The following NBEA variants were observed in gnomAD, a reference collection of about 807,000 sequenced individuals.
The protein encoded by NBEA is lysosomal-trafficking regulator 2.
A neutral mutation model predicts 343.4 loss-of-function variants in NBEA; 44 were observed. That is an observed-to-expected ratio of 0.13 (90% CI 0.10 to 0.16). NBEA has a LOEUF of 0.16. Among genes scored for constraint, NBEA ranks in the 10% least tolerant of loss-of-function variants. NBEA has a pLI of 1.00. For missense variants in NBEA, 2,555 were observed against 3,631.3 expected, an observed-to-expected ratio of 0.70 and a Z score of 7.62; for synonymous variants, 1,175 against 1,238.7, an observed-to-expected ratio of 0.95 and a Z score of 1.08.
intron 38 of NBEA, among the ~76,000 whole-genome samples, chr13:35,363,186 C>T (rs918535549): frequency 1.1e-4 from 17 of 151,950 alleles, no homozygotes; most frequent in Admixed American, 6.6e-4. Context: ...TTATAGAGCC[C>T]CAAACACATA....
At chr13:35,382,343 T>C (rs922229819) in intron 38 of NBEA, among the ~76,000 whole-genome samples, 1 of 152,168 alleles carries the variant, frequency 6.6e-6, no homozygotes, top group Admixed American at 6.5e-5. Context: ...TTTTGGCTGT[T>C]GTTTTAGTTA....
At chr13:35,657,828 G>T (rs2084891204) in intron 55 of NBEA, among the ~76,000 whole-genome samples, 1 of 152,118 alleles carries the variant, frequency 6.6e-6, no homozygotes, top group Admixed American at 6.6e-5. Flanking sequence ...GCCCAGAAAT[G>T]ATGCAAGTGT....
chr13:35,439,637 A>C (rs1339036080), intron 39 of NBEA, among the ~76,000 whole-genome samples: 5 of 152,220 alleles, frequency 3.3e-5, no homozygotes, highest in Admixed American at 1.3e-4. Context: ...TGTAAATGGC[A>C]AGTTAATGGG....
chr13:35,261,497 C>T (rs561649559), intron 34 of NBEA, among the ~76,000 whole-genome samples: 9 of 151,656 alleles, frequency 5.9e-5, no homozygotes, highest in African/African-American at 1.5e-4. Context: ...GGCAACAGAG[C>T]GAGACTCCAT....
chr13:35,458,058 C>T (rs9544404), intron 40 of NBEA, among the ~76,000 whole-genome samples: 66,968 of 152,148 alleles, frequency 0.44, 17,512 homozygotes, highest in Middle Eastern at 0.63. Context: ...TTCATGTGGA[C>T]ATATGTTTTC....
chr13:34,954,857 A>G (rs540638183), intron 1 of NBEA, among the ~76,000 whole-genome samples: 2 of 152,304 alleles, frequency 1.3e-5, no homozygotes, highest in African/African-American at 2.4e-5. Context: ...GCAACCATCT[A>G]TTTTTTAAAA....
At chr13:35,473,077 A>C (rs957151554) in intron 41 of NBEA, among the ~76,000 whole-genome samples, 1 of 152,242 alleles carries the variant, frequency 6.6e-6, no homozygotes, top group Non-Finnish European at 1.5e-5. Flanking sequence ...GATTTTAAAT[A>C]TATATGCTAG....
chr13:35,474,134 T>C (rs532938719), intron 41 of NBEA: 1 of 152,584 alleles, frequency 6.6e-6, no homozygotes, highest in South Asian at 2.1e-4. Flanking sequence ...GATATTCAAG[T>C]GGGTTTGATT....
At chr13:35,230,682 C>G (rs2074918995) in intron 33 of NBEA, among the ~76,000 whole-genome samples, 2 of 152,028 alleles carry the variant, frequency 1.3e-5, no homozygotes, top group African/African-American at 4.8e-5. Context: ...TTTGTATTCA[C>G]TAACAGGTAA....
chr13:35,111,038 C>A, intron 13 of NBEA, 60 bp downstream of exon 13: 3 of 1,406,894 alleles, frequency 2.1e-6, no homozygotes, highest in Non-Finnish European at 2.9e-6. Flanking sequence ...ATTCTGAGTA[C>A]TGTTAAAGTG....
At chr13:35,615,013 A>G (rs2082671251) in intron 48 of NBEA, among the ~76,000 whole-genome samples, 1 of 151,694 alleles carries the variant, frequency 6.6e-6, no homozygotes, top group Non-Finnish European at 1.5e-5. Flanking sequence ...CAGGTGCATC[A>G]TTGTTTTAAT....
At chr13:35,081,832 T>G (rs1007208309) in intron 10 of NBEA, among the ~76,000 whole-genome samples, 7 of 152,154 alleles carry the variant, frequency 4.6e-5, no homozygotes, top group Admixed American at 3.3e-4. Context: ...ATGTGAATAT[T>G]TGTTACATTC....
At chr13:35,390,098 T>G (rs1399757558) in intron 38 of NBEA, among the ~76,000 whole-genome samples, 1 of 151,802 alleles carries the variant, frequency 6.6e-6, no homozygotes, top group Non-Finnish European at 1.5e-5. Flanking sequence ...ATTTTGATTT[T>G]TGAAACTTAT....
At chr13:35,566,534 C>A (rs2080146387) in intron 44 of NBEA, among the ~76,000 whole-genome samples, 1 of 152,168 alleles carries the variant, frequency 6.6e-6, no homozygotes, top group Admixed American at 6.5e-5. Flanking sequence ...ATGAGACACA[C>A]ATGCAGGAAG....
At chr13:35,594,541 A>G (rs2081677153) in intron 47 of NBEA, among the ~76,000 whole-genome samples, 1 of 151,898 alleles carries the variant, frequency 6.6e-6, no homozygotes, top group Non-Finnish European at 1.5e-5. Flanking sequence ...TTACATTTGT[A>G]AAAAAAATAA....
At chr13:35,330,782 A>G (rs1328794301) in intron 36 of NBEA, among the ~76,000 whole-genome samples, 1 of 152,028 alleles carries the variant, frequency 6.6e-6, no homozygotes, top group Non-Finnish European at 1.5e-5. Context: ...AGAATAGCTT[A>G]TCAATTTTTT....
chr13:35,425,947 T>G (rs1174315070), intron 38 of NBEA, among the ~76,000 whole-genome samples: 1 of 152,206 alleles, frequency 6.6e-6, no homozygotes, highest in African/African-American at 2.4e-5. Flanking sequence ...AAAGTCTGTT[T>G]TATCAGAGAC....
At chr13:35,075,643 GT>G (rs1231379570) in intron 10 of NBEA, among the ~76,000 whole-genome samples, 1 of 152,004 alleles carries the variant, frequency 6.6e-6, no homozygotes, top group East Asian at 1.9e-4. Flanking sequence ...TCATTAGTTT[GT>G]TTAGTGAACT....
chr13:35,506,114 G>A (rs1257062990), intron 41 of NBEA, among the ~76,000 whole-genome samples: 1 of 152,088 alleles, frequency 6.6e-6, no homozygotes, highest in Non-Finnish European at 1.5e-5. Flanking sequence ...CTGAGCTGGA[G>A]TGTGGTGGCA....
Sources: gnomAD v4.1 joint callset for allele counts (sites outside exome capture counted in the v4.1 genomes callset) on GRCh38, gnomAD v4.1.1 for gene constraint, MANE v1.5 for transcripts, NCBI Gene and HGNC (gene_info 2026-07-23, HGNC 2026-07-21) for gene names.